The following TENM3 variants were observed in gnomAD, a reference collection of about 807,000 sequenced individuals.
TENM3 encodes teneurin transmembrane protein 3.
TENM3 carries 63 observed loss-of-function variants against 255.1 expected under a neutral mutation model. The ratio of observed to expected loss-of-function variants is 0.25; its 90% CI spans 0.20 to 0.30. The LOEUF (loss-of-function observed/expected upper bound fraction) is 0.30. Among genes scored for constraint, TENM3 ranks in the 10% least tolerant of loss-of-function variants. The pLI is 1.00. For missense variants in TENM3, 2,929 were observed against 3,461.1 expected (o/e 0.85, Z 3.86); for synonymous variants, 1,306 against 1,322.3 (o/e 0.99, Z 0.27).
chr4:182,000,527 G>A, the TENM3 span, among the ~76,000 whole-genome samples: 10 of 152,158 alleles, frequency 6.6e-5, no homozygotes, highest in South Asian at 2.1e-4. Flanking sequence ...CAAGCATTTC[G>A]TCTTGCTTTC....
At chr4:181,637,447 C>T in the TENM3 span, among the ~76,000 whole-genome samples, 10 of 152,296 alleles carry the variant, frequency 6.6e-5, no homozygotes, top group East Asian at 1.7e-3. Flanking sequence ...AAATGACACA[C>T]GTCACTTCTA....
intron 1 of TENM3, among the ~76,000 whole-genome samples, chr4:182,249,054 G>A (rs756825483): frequency 2.0e-5 from 3 of 152,184 alleles, no homozygotes; most frequent in Non-Finnish European, 2.9e-5. Flanking sequence ...CCTGTGAGGT[G>A]TATAGTTTTA....
At chr4:182,683,770 T>A (rs1756355467) in intron 11 of TENM3, among the ~76,000 whole-genome samples, 1 of 152,088 alleles carries the variant, frequency 6.6e-6, no homozygotes, top group Non-Finnish European at 1.5e-5. Context: ...AGAGCATGAA[T>A]TGTGAGACTT....
the TENM3 span, among the ~76,000 whole-genome samples, chr4:181,840,112 A>G: frequency 6.6e-6 from 1 of 152,024 alleles, no homozygotes; most frequent in South Asian, 2.1e-4. Flanking sequence ...TCAAATTTTT[A>G]TATACATAAA....
chr4:182,135,754 G>C, the TENM3 span, among the ~76,000 whole-genome samples: 1 of 152,194 alleles, frequency 6.6e-6, no homozygotes, highest in Non-Finnish European at 1.5e-5. Context: ...AGACAGAAAT[G>C]TGACTTGTAG....
At chr4:181,818,432 C>T in the TENM3 span, among the ~76,000 whole-genome samples, 4,785 of 152,218 alleles carry the variant, frequency 0.031, 116 homozygotes, top group South Asian at 0.079. Context: ...CTCTTCCTGA[C>T]GGCCCGCCCT....
chr4:182,346,992 C>CCA (rs1554053253), intron 3 of TENM3, 63 bp downstream of exon 3: 3 of 1,010,490 alleles, frequency 3.0e-6, no homozygotes, highest in Non-Finnish European at 3.9e-6. Flanking sequence ...TTGGTTGACT[C>CCA]CGCGGGGGGG....
intron 12 of TENM3, among the ~76,000 whole-genome samples, chr4:182,696,134 C>T (rs1757381822): frequency 6.6e-6 from 1 of 152,028 alleles, no homozygotes. Context: ...ATCAACTCAG[C>T]ATATTTAAGA....
intron 1 of TENM3, among the ~76,000 whole-genome samples, chr4:182,186,218 C>T (rs1753140337): frequency 6.6e-6 from 1 of 151,982 alleles, no homozygotes; most frequent in Admixed American, 6.6e-5. Context: ...GTACACAAGT[C>T]CACAGGAGAT....
rs532145174 is a variant in TENM3, at chr4:182,332,560, G to T, written c.232+8308G>T. ...AATTCAAAAACTAGCTGGGCGTGGTGGTGGGCGCCTGTAATCCCAGCTACT... is the reference window on the plus strand; with the variant it reads ...AATTCAAAAACTAGCTGGGCGTGGTTGTGGGCGCCTGTAATCCCAGCTACT... On this transcript the variant is annotated intron_variant, in intron 2 of 27. Transcript: ENST00000511685. Among the ~76,000 whole-genome samples the T allele has an allele frequency of 7.2e-4, 110 of 152,186 alleles. 1 individual carries two copies. Among genetic ancestry groups the T allele is most frequent in the African/African-American group, 2.6e-3 (107 of 41,538 alleles).
chr4:181,461,010 TCTTG>T, the TENM3 span, among the ~76,000 whole-genome samples: 2 of 152,062 alleles, frequency 1.3e-5, no homozygotes, highest in Non-Finnish European at 1.5e-5. Flanking sequence ...ATGATTTTCC[TCTTG>T]CTTGATAAGC....
At chr4:182,114,902 C>A in the TENM3 span, among the ~76,000 whole-genome samples, 1 of 152,138 alleles carries the variant, frequency 6.6e-6, no homozygotes, top group Admixed American at 6.6e-5. Flanking sequence ...ACAAATCCAG[C>A]CAGGCAAAGT....
chr4:181,576,916 C>A, the TENM3 span, among the ~76,000 whole-genome samples: 2 of 138,366 alleles, frequency 1.4e-5, no homozygotes, highest in Non-Finnish European at 3.0e-5. Context: ...CGGGTTCAAG[C>A]GATTCTCCTG....
At chr4:182,102,129 C>T in the TENM3 span, among the ~76,000 whole-genome samples, 1 of 152,194 alleles carries the variant, frequency 6.6e-6, no homozygotes, top group Non-Finnish European at 1.5e-5. Flanking sequence ...CCCGGTGGGA[C>T]ACTGCTGAGG....
chr4:181,868,698 A>G, the TENM3 span, among the ~76,000 whole-genome samples: 26 of 152,348 alleles, frequency 1.7e-4, no homozygotes, highest in Admixed American at 3.3e-4. Flanking sequence ...GGTAATTAAT[A>G]TGGGATGAAG....
chr4:182,187,542 C>A (rs1297288803), intron 1 of TENM3, among the ~76,000 whole-genome samples: 2 of 152,134 alleles, frequency 1.3e-5, no homozygotes, highest in African/African-American at 4.8e-5. Context: ...TTGTGCCCCC[C>A]TCCCACCCGC....
intron 4 of TENM3, among the ~76,000 whole-genome samples, chr4:182,620,917 C>T (rs778968455): frequency 2.0e-5 from 3 of 152,098 alleles, no homozygotes; most frequent in Admixed American, 6.5e-5. Context: ...GTTTTTATCA[C>T]GCCTGTAATC....
the TENM3 span, among the ~76,000 whole-genome samples, chr4:181,722,721 T>C: frequency 6.6e-6 from 1 of 152,234 alleles, no homozygotes; most frequent in Non-Finnish European, 1.5e-5. Flanking sequence ...ATTGTGATAA[T>C]AGTGTGGATA....
the TENM3 span, among the ~76,000 whole-genome samples, chr4:181,735,557 C>A: frequency 6.6e-6 from 1 of 152,110 alleles, no homozygotes; most frequent in Non-Finnish European, 1.5e-5. Context: ...AACCTTTAGA[C>A]ATATATACAA....
Sources: allele counts gnomAD v4.1 joint callset (sites outside exome capture counted in the v4.1 genomes callset), GRCh38; gene constraint gnomAD v4.1.1; transcripts MANE v1.5; gene names NCBI Gene and HGNC (gene_info 2026-07-23, HGNC 2026-07-21).